PPP1R12B: variants seen among roughly 807,000 people sequenced by gnomAD.
The protein encoded by PPP1R12B is myosin phosphatase target subunit 2.
PPP1R12B carries 76 observed loss-of-function variants against 126.1 expected under a neutral mutation model. That is an observed-to-expected ratio of 0.60 (90% CI 0.50 to 0.73). The LOEUF is 0.73. PPP1R12B is among the 30% of genes least tolerant of loss of function. PPP1R12B has a pLI of 0.00. For missense variants in PPP1R12B, 1,052 were observed against 1,205.1 expected (o/e 0.87, Z 1.88); for synonymous variants, 356 against 434.7 (o/e 0.82, Z 2.25).
At chr1:202,451,287 C>A (rs1259192597) in intron 13 of PPP1R12B, among the ~76,000 whole-genome samples, 1 of 149,346 alleles carries the variant, frequency 6.7e-6, no homozygotes, top group Non-Finnish European at 1.5e-5. Context: ...GAACAAAGGT[C>A]TCTGGTTTTC....
At chr1:202,540,862 G>T (rs574254907) in intron 18 of PPP1R12B, among the ~76,000 whole-genome samples, 1 of 152,308 alleles carries the variant, frequency 6.6e-6, no homozygotes, top group South Asian at 2.1e-4. Flanking sequence ...AAAAGCCAAA[G>T]AACTAACTCT....
rs1399916782 is a variant in PPP1R12B, at chr1:202,585,026, A to T, written c.*4466A>T. ...GTTATTACTACAAATCTTAGTCACC[A>T]TACTCTCTCGCCCAGGCTGGAGTGC... On this transcript the variant is annotated 3_prime_UTR_variant, in exon 24 of 24. Coordinates refer to ENST00000608999, the MANE Select transcript of PPP1R12B (RefSeq NM_002481.4). 2.6e-5 allele frequency: 4 copies of T among 152,202 alleles called. No individual in the cohort carries two copies. Among genetic ancestry groups the T allele is most frequent in the Non-Finnish European group, 5.9e-5 (4 of 68,080 alleles). 9.4% of individuals were successfully genotyped at this position (152,202 alleles called of 1,614,324 possible). A position where few individuals can be genotyped will look rare whatever the true frequency, so the allele number is the denominator to read the frequency against.
At chr1:202,386,962 G>C (rs974932652) in intron 1 of PPP1R12B, among the ~76,000 whole-genome samples, 1 of 152,122 alleles carries the variant, frequency 6.6e-6, no homozygotes, top group South Asian at 2.1e-4. Context: ...AATAAGTTAG[G>C]TGATAAGAAC....
At chr1:202,363,531 G>A (rs1658595520) in intron 1 of PPP1R12B, among the ~76,000 whole-genome samples, 1 of 152,084 alleles carries the variant, frequency 6.6e-6, no homozygotes, top group African/African-American at 2.4e-5. Context: ...TCTCTCCTGG[G>A]AATTTCTAGT....
intron 1 of PPP1R12B, among the ~76,000 whole-genome samples, chr1:202,359,175 A>T (rs972489014): frequency 1.3e-5 from 2 of 150,906 alleles, no homozygotes; most frequent in Non-Finnish European, 2.9e-5. Flanking sequence ...ATGGAATTTC[A>T]CTCTTGTTGC....
chr1:202,466,115 C>G (rs565889099), intron 13 of PPP1R12B, among the ~76,000 whole-genome samples: 11 of 152,116 alleles, frequency 7.2e-5, no homozygotes, highest in African/African-American at 2.7e-4. Context: ...GCACTGCTCT[C>G]TAGGGTTACC....
intron 18 of PPP1R12B, among the ~76,000 whole-genome samples, chr1:202,541,119 T>G (rs1254069774): frequency 6.6e-6 from 1 of 152,202 alleles, no homozygotes; most frequent in East Asian, 1.9e-4. Flanking sequence ...TTTCAGGAAC[T>G]AGATTGCGCT....
rs1341349729 is a variant in PPP1R12B, at chr1:202,415,848, T to C, written c.292-939T>C. Among the ~76,000 whole-genome samples the C allele has an allele frequency of 4.6e-5, 7 of 152,200 alleles. No individual in the cohort carries two copies. The East Asian group carries it at 1.3e-3, about 29-fold the overall frequency. ...TGTTTGAAATGATCACCCTACCCTT[T>C]CTCACCAAAGCAGTGTTTGTTTAGC... On this transcript the variant is annotated intron_variant, in intron 1 of 23. Transcript: ENST00000608999.
intron 18 of PPP1R12B, among the ~76,000 whole-genome samples, chr1:202,543,333 T>C (rs1426664627): frequency 6.6e-6 from 1 of 152,224 alleles, no homozygotes; most frequent in African/African-American, 2.4e-5. Context: ...AGATAGTGCA[T>C]GTCCTCACCA....
At position 202,448,691 on chromosome 1, in the gene PPP1R12B, C is replaced by G. The variant is rs551604582; in HGVS notation, c.1668-298C>G. The G allele has an allele frequency of 6.5e-5, 22 of 339,998 alleles. No individual in the cohort carries two copies. The East Asian group carries it at 1.1e-3, about 18-fold the overall frequency. The allele number at this position is 339,998 out of a possible 1,614,324, so 21.1% of individuals were successfully genotyped here. ...TGGGGTGTCATTTAAAACACTCTTG[C>G]ATATGTCACTATCTTGCCTTGTGCC... On this transcript the variant is annotated intron_variant, in intron 12 of 23. Coordinates refer to ENST00000608999, the MANE Select transcript of PPP1R12B (RefSeq NM_002481.4).
At chr1:202,566,737 A>G (rs1217584600) in intron 21 of PPP1R12B, among the ~76,000 whole-genome samples, 1 of 152,194 alleles carries the variant, frequency 6.6e-6, no homozygotes, top group East Asian at 1.9e-4. Context: ...CCTTCCAAAC[A>G]GAAGGTGAAA....
rs1255706754 is a variant in PPP1R12B at position 202,442,538 on chromosome 1, G to T, written c.1633G>T (p.Ala545Ser). 1 of 1,613,524 alleles carries T rather than the reference G, an allele frequency of 6.2e-7. No individual in the cohort carries two copies. The highest frequency in any genetic ancestry group is 1.7e-5 in the Admixed American group (1 of 59,930). ...AKGNEIPQTIAPSTYVSTYLK... is the reference protein window; with the variant it reads ...AKGNEIPQTISPSTYVSTYLK... ...AGGAAATGAAATCCCACAGACAATTGCTCCCTCCACCTATGTATCAACTTA... is the reference window on the plus strand; with the variant it reads ...AGGAAATGAAATCCCACAGACAATTTCTCCCTCCACCTATGTATCAACTTA... Residue 545 changes from alanine to serine, a missense_variant, in exon 12 of 24, where the codon GCT (alanine) becomes TCT (serine). Coordinates refer to ENST00000608999, the MANE Select transcript of PPP1R12B (RefSeq NM_002481.4).
intron 15 of PPP1R12B, among the ~76,000 whole-genome samples, chr1:202,494,180 CTG>C (rs1018623428): frequency 8.5e-5 from 13 of 152,254 alleles, no homozygotes; most frequent in African/African-American, 3.1e-4. Flanking sequence ...ATTCTATAAA[CTG>C]AAGTTCTATT....
intron 23 of PPP1R12B, among the ~76,000 whole-genome samples, chr1:202,571,277 G>A (rs1688571516): frequency 6.6e-6 from 1 of 152,158 alleles, no homozygotes; most frequent in South Asian, 2.1e-4. Context: ...ACTAGATCAT[G>A]AGTTCTTTCC....
rs111947152 is a variant in PPP1R12B, at chr1:202,407,259, T to C, written c.292-9528T>C. On this transcript the variant is annotated intron_variant, in intron 1 of 23. Coordinates refer to ENST00000608999, the MANE Select transcript of PPP1R12B (RefSeq NM_002481.4). ...AGCGAAGGGCTTATTAGAATCCAAA[T>C]TGAACACATTTTTGAAATTTAAGTA... Among the ~76,000 whole-genome samples, 1,083 of 152,296 alleles carry C rather than the reference T, an allele frequency of 7.1e-3. 12 individuals are homozygous for C. Among genetic ancestry groups the C allele is most frequent in the African/African-American group, 0.024 (1,017 of 41,558 alleles).
rs563079889 is a variant in PPP1R12B, at chr1:202,349,114, A to G, written c.263A>G (p.Asn88Ser). The part of the protein sequence containing the change: ...LARGADINTV[N>S]VDGLTALHQA... The stretch of plus-strand genomic sequence containing the variant: ...AGAGGTGCTGATATCAACACGGTCA[A>G]CGTGGACGGCTTGACAGCCCTGCAC... The change falls in exon 1 of 24, where the codon AAC (asparagine) becomes AGC (serine). Residue 88 changes from asparagine to serine, a missense_variant. Coordinates refer to ENST00000608999, the MANE Select transcript of PPP1R12B (RefSeq NM_002481.4). The G allele has an allele frequency of 6.2e-7, 1 of 1,614,074 alleles. No homozygotes were observed. Among genetic ancestry groups the G allele is most frequent in the Non-Finnish European group, 8.5e-7 (1 of 1,180,040 alleles).
chr1:202,470,236 C>A (rs973484334), intron 13 of PPP1R12B, among the ~76,000 whole-genome samples: 1 of 152,164 alleles, frequency 6.6e-6, no homozygotes, highest in African/African-American at 2.4e-5. Context: ...CTCTCTCTGC[C>A]CCCTATGGCG....
intron 18 of PPP1R12B, among the ~76,000 whole-genome samples, chr1:202,541,826 C>T (rs1415294762): frequency 1.2e-4 from 18 of 152,178 alleles, no homozygotes; most frequent in African/African-American, 7.2e-5. Flanking sequence ...TCCCTACCCT[C>T]GTTTCACCAC....
At position 202,538,695 on chromosome 1, in the gene PPP1R12B, T is replaced by C. The variant is rs1486159062; in HGVS notation, c.2491-20182T>C. Reference sequence around the variant, plus strand: ...GCTTAGAAAACATTTGGCCTAGAAATTTTGGTTAGTGTAGTGGTAACAACA... The same window carrying C: ...GCTTAGAAAACATTTGGCCTAGAAACTTTGGTTAGTGTAGTGGTAACAACA... On this transcript the variant is annotated intron_variant, in intron 18 of 23. Transcript: ENST00000608999. Among the ~76,000 whole-genome samples, 4 of 152,208 alleles carry C rather than the reference T, an allele frequency of 2.6e-5. No homozygotes were observed. In the East Asian group the frequency reaches 7.7e-4, roughly 29 times the overall value.
Sources: gnomAD v4.1 joint callset for allele counts (sites outside exome capture counted in the v4.1 genomes callset) on GRCh38, gnomAD v4.1.1 for gene constraint, MANE v1.5 for transcripts, NCBI Gene and HGNC (gene_info 2026-07-23, HGNC 2026-07-21) for gene names.